Variants in SAG observed in about 807,000 individuals in gnomAD.
The protein encoded by SAG is S-arrestin.
A neutral mutation model predicts 55.0 loss-of-function variants in SAG; 45 were observed. The observed-to-expected ratio is 0.82, with a 90% CI of 0.64 to 1.05. The LOEUF is 1.05. SAG is among the 50% of genes least tolerant of loss of function. The probability of loss-of-function intolerance (pLI) is 0.00; values close to 1 mark genes in which losing one functional copy is unlikely to be tolerated. For missense variants in SAG, 455 were observed against 512.1 expected, an observed-to-expected ratio of 0.89 and a Z score of 1.08; for synonymous variants, 189 against 197.4, an observed-to-expected ratio of 0.96 and a Z score of 0.36.
chr2:233,316,207 T>C (rs1700214069), intron 3 of SAG, 72 bp downstream of exon 3: 1 of 872,330 alleles, frequency 1.1e-6, no homozygotes, highest in Non-Finnish European at 1.9e-6. Flanking sequence ...TTTGTGTTTT[T>C]AAAAACTGGC....
chr2:233,320,758 C>T lies in SAG; in HGVS notation c.310C>T (p.Pro104Ser), dbSNP rs773862673. Residue 104 changes from proline to serine, a missense_variant, in exon 5 of 16, where the codon CCC (proline) becomes TCC (serine). Transcript: ENST00000409110. ...TCCTCCTGTGGGGGCCGCGAGCACC[C>T]CCACAAAACTGCAAGAGAGCCTGCT... ...VYPPVGAAST[P>S]TKLQESLLKK... 54 of 1,606,516 alleles carry T rather than the reference C, an allele frequency of 3.4e-5. No individual in the cohort carries two copies. The highest frequency in any genetic ancestry group is 1.6e-4 in the Middle Eastern group (1 of 6,078).
intron 12 of SAG, among the ~76,000 whole-genome samples, chr2:233,339,869 G>A (rs1422988007): frequency 6.6e-6 from 1 of 151,900 alleles, no homozygotes; most frequent in Non-Finnish European, 1.5e-5. Flanking sequence ...CACCATGTTA[G>A]CCAGGCTGGT....
At chr2:233,341,769 A>G (rs897752197) in intron 13 of SAG, among the ~76,000 whole-genome samples, 4 of 152,186 alleles carry the variant, frequency 2.6e-5, no homozygotes, top group African/African-American at 9.7e-5. Context: ...AGAACTAGAT[A>G]GTGGTGATGG....
chr2:233,326,009 GA>G (rs150692581), intron 6 of SAG, among the ~76,000 whole-genome samples: 11,197 of 152,264 alleles, frequency 0.074, 497 homozygotes, highest in Admixed American at 0.11. Flanking sequence ...TGTCACCATG[GA>G]CAGAGCTGGC....
rs182558495 is a variant in SAG at position 233,324,017 on chromosome 2, G to A, written c.435+1012G>A. On this transcript the variant is annotated intron_variant, in intron 6 of 15. Coordinates refer to ENST00000409110, the MANE Select transcript of SAG (RefSeq NM_000541.5). ...AGGAGAAAGCCACACTCTCCCAGGG[G>A]AGAGCCTTCCAGGTAGAGGGCGCAC... 3.3e-5 allele frequency among the ~76,000 whole-genome samples: 5 copies of A among 152,258 alleles called. No individual in the cohort carries two copies. The East Asian group carries it at 9.7e-4, about 29-fold the overall frequency.
At chr2:233,327,455 TTTG>T (rs1003351085) in intron 7 of SAG, 19 of 366,410 alleles carry the variant, frequency 5.2e-5, no homozygotes, top group Non-Finnish European at 7.0e-5. Context: ...TTGTTGAAGT[TTTG>T]TTGTTGTTGT....
chr2:233,312,316 C>G (rs1321545997), intron 2 of SAG, among the ~76,000 whole-genome samples: 1 of 152,158 alleles, frequency 6.6e-6, no homozygotes. Context: ...GCTCCACAGT[C>G]AGGCTGCCTA....
chr2:233,322,921 AT>A (rs1269001984), intron 5 of SAG, 24 bp from the exon 6 acceptor site: 8 of 1,439,390 alleles, frequency 5.6e-6, no homozygotes, highest in Non-Finnish European at 7.6e-6. Flanking sequence ...GAAATAAATG[AT>A]TTTTTATTTG....
chr2:233,329,270 G>A (rs1011706632), intron 8 of SAG: 7 of 505,744 alleles, frequency 1.4e-5, no homozygotes, highest in Middle Eastern at 5.5e-4. Flanking sequence ...GGCCTCCTCC[G>A]ATGTGATGAT....
rs1700649436 is a variant in SAG at position 233,328,625 on chromosome 2, C to G, written c.648+12C>G. The G allele has an allele frequency of 3.1e-6, 5 of 1,603,126 alleles. No individual in the cohort carries two copies. In the East Asian group the frequency reaches 1.1e-4, roughly 36 times the overall value. On this transcript the variant is annotated intron_variant, in intron 8 of 15. Transcript: ENST00000409110. ...CTCTCAACAAAGAGGTAACCACCTA[C>G]CATCGCTACTACCCGCAGGGCAGCA...
intron 6 of SAG, among the ~76,000 whole-genome samples, chr2:233,323,444 A>C (rs1700448188): frequency 1.3e-5 from 2 of 151,240 alleles, no homozygotes; most frequent in African/African-American, 2.4e-5. Flanking sequence ...GCTCACCACA[A>C]CCTCTGCCTG....
chr2:233,334,130 C>T (rs1165974301), intron 10 of SAG: 6 of 152,434 alleles, frequency 3.9e-5, no homozygotes, highest in Admixed American at 6.5e-5. Flanking sequence ...GCACACTTCC[C>T]GTCTGGAAAA....
At chr2:233,330,702 T>C (rs1181059150) in intron 9 of SAG, among the ~76,000 whole-genome samples, 1 of 152,090 alleles carries the variant, frequency 6.6e-6, no homozygotes, top group African/African-American at 2.4e-5. Flanking sequence ...TGGCTAATTT[T>C]GTATTTTCAG....
chr2:233,334,888 A>G (rs1700872218), intron 10 of SAG, 74 bp from the exon 11 acceptor site: 3 of 1,561,214 alleles, frequency 1.9e-6, no homozygotes, highest in African/African-American at 2.7e-5. Flanking sequence ...GAAAATGCCT[A>G]ATGTCAAATA....
At position 233,322,963 on chromosome 2, in the gene SAG, C is replaced by T; in HGVS notation, c.393C>T (p.Pro131=). Residue 131 remains proline (P), a synonymous_variant, in exon 6 of 16, where the codon CCC becomes CCT. Coordinates refer to ENST00000409110, the MANE Select transcript of SAG (RefSeq NM_000541.5). ...PFLLTFPDYL[P]CSVMLQPAPQ... is the part of the protein sequence containing the mutation. ...TTCCACAGTTTCCTGACTACTTGCC[C>T]TGTTCAGTGATGTTGCAGCCAGCTC... is the stretch of plus-strand genomic sequence containing the variant. 1 of 1,574,222 alleles carries T rather than the reference C, an allele frequency of 6.4e-7. No homozygotes were observed. Among genetic ancestry groups the T allele is most frequent in the Non-Finnish European group, 8.6e-7 (1 of 1,156,540 alleles).
In SAG at chr2:233,319,020, C is replaced by G. The variant is rs569772901; in HGVS notation, c.181+225C>G. ...TCACTCGCTCAGCAAAGTCATTGTC[C>G]AGGGTGGCAGATAAGTAGATGGTAG... On this transcript the variant is annotated intron_variant, in intron 4 of 15. Coordinates refer to ENST00000409110, the MANE Select transcript of SAG (RefSeq NM_000541.5). The surrounding 1 kb of genome is among the most constrained non-coding windows in gnomAD (Gnocchi z 4.4). 1.0e-5 allele frequency: 7 copies of G among 702,854 alleles called. No individual in the cohort carries two copies. The African/African-American group carries it at 1.1e-4, about 11-fold the overall frequency. 43.5% of individuals were successfully genotyped at this position (702,854 alleles called of 1,614,324 possible). A position where few individuals can be genotyped will look rare whatever the true frequency, so the allele number is the denominator to read the frequency against.
chr2:233,334,906 A>C, intron 10 of SAG, 56 bp from the exon 11 acceptor site: 1 of 1,597,422 alleles, frequency 6.3e-7, no homozygotes, highest in Non-Finnish European at 8.6e-7. Flanking sequence ...ATAGGGGCTC[A>C]TGGGGTCCAT....
chr2:233,345,793 A>C (rs2125356031), intron 14 of SAG: 1 of 152,712 alleles, frequency 6.5e-6, no homozygotes, highest in South Asian at 2.1e-4. Context: ...CCTAGAGTTG[A>C]GACTGGGGGG....
At chr2:233,311,983 G>A (rs888047512) in intron 2 of SAG, among the ~76,000 whole-genome samples, 1 of 151,934 alleles carries the variant, frequency 6.6e-6, no homozygotes, top group Non-Finnish European at 1.5e-5. Context: ...AAAATTAGCC[G>A]GGCGTGGTGG....
Sources: allele counts gnomAD v4.1 joint callset (sites outside exome capture counted in the v4.1 genomes callset), GRCh38; gene constraint gnomAD v4.1.1; non-coding constraint Gnocchi (gnomAD v3.1); transcripts MANE v1.5; gene names NCBI Gene and HGNC (gene_info 2026-07-23, HGNC 2026-07-21).